Variants in MEGF10 observed in about 807,000 individuals in gnomAD.
MEGF10 encodes the protein multiple epidermal growth factor-like domains protein 10.
In MEGF10, 86 loss-of-function variants were observed where a neutral mutation model predicts 147.5. That is an observed-to-expected ratio of 0.58 (90% CI 0.49 to 0.70). The LOEUF (loss-of-function observed/expected upper bound fraction) is 0.70, where lower values mean the gene tolerates loss of function less well. Among genes scored for constraint, MEGF10 ranks in the 30% least tolerant of loss-of-function variants. MEGF10 has a pLI of 0.00. For synonymous variants in MEGF10, 478 were observed against 525.5 expected (o/e 0.91, Z 1.24); for missense variants, 1,329 against 1,487.3 (o/e 0.89, Z 1.75).
chr5:127,336,701 A>G (rs1476672646), intron 2 of MEGF10, among the ~76,000 whole-genome samples: 5 of 152,138 alleles, frequency 3.3e-5, no homozygotes, highest in African/African-American at 1.2e-4. Flanking sequence ...AATTTTCTGG[A>G]AACTCTGTAT....
chr5:127,363,280 A>G (rs1325916029), intron 4 of MEGF10, among the ~76,000 whole-genome samples: 1 of 152,236 alleles, frequency 6.6e-6, no homozygotes, highest in Non-Finnish European at 1.5e-5. Context: ...ACTGCAATAA[A>G]TAGAGATTTG....
intron 2 of MEGF10, among the ~76,000 whole-genome samples, chr5:127,333,049 AAAAG>A (rs367939991): frequency 2.5e-3 from 384 of 152,300 alleles, no homozygotes; most frequent in African/African-American, 8.8e-3. Flanking sequence ...ATGGAAAAAT[AAAAG>A]AAAGAGATTT....
At chr5:127,292,723 C>G (rs1759317039) in intron 1 of MEGF10, among the ~76,000 whole-genome samples, 1 of 152,232 alleles carries the variant, frequency 6.6e-6, no homozygotes. Context: ...AATCTACACT[C>G]AGTTCACAGC....
intron 11 of MEGF10, among the ~76,000 whole-genome samples, chr5:127,419,610 A>G (rs1450858716): frequency 6.6e-6 from 1 of 152,200 alleles, no homozygotes; most frequent in Non-Finnish European, 1.5e-5. Flanking sequence ...TGCAGCCAGG[A>G]TCCTGGATAT....
the MEGF10 span, among the ~76,000 whole-genome samples, chr5:127,274,173 A>G: frequency 0.4 from 60,637 of 151,944 alleles, 12,593 homozygotes; most frequent in Middle Eastern, 0.54. Context: ...CTGAGATCTT[A>G]TAAAAGTCAG....
At chr5:127,360,702 A>G (rs1224665225) in intron 4 of MEGF10, among the ~76,000 whole-genome samples, 3 of 151,916 alleles carry the variant, frequency 2.0e-5, no homozygotes, top group Non-Finnish European at 4.4e-5. Flanking sequence ...ACATTTTTCT[A>G]AATGCTTGCT....
rs771181729 is a variant in MEGF10, at chr5:127,460,756, A to T, written c.*3438A>T. 5 of 152,194 alleles carry T rather than the reference A, an allele frequency of 3.3e-5. No homozygotes were observed. Among genetic ancestry groups the T allele is most frequent in the Non-Finnish European group, 4.4e-5 (3 of 68,024 alleles). 9.4% of individuals were successfully genotyped at this position (152,194 alleles called of 1,614,324 possible). A position where few individuals can be genotyped will look rare whatever the true frequency, so the allele number is the denominator to read the frequency against. ...ATCAAGTTTTAAGGTTATATTTTTTAAAATAATGAATTTTCTATCTCTAGG... is the reference window on the plus strand; with the variant it reads ...ATCAAGTTTTAAGGTTATATTTTTTTAAATAATGAATTTTCTATCTCTAGG... On this transcript the variant is annotated 3_prime_UTR_variant, in exon 25 of 25. Coordinates refer to ENST00000503335, the MANE Select transcript of MEGF10 (RefSeq NM_001256545.2).
the MEGF10 span, among the ~76,000 whole-genome samples, chr5:127,233,814 G>A: frequency 8.6e-5 from 13 of 151,996 alleles, no homozygotes; most frequent in African/African-American, 2.7e-4. Context: ...CCTTCACTTC[G>A]TTTAATCAAG....
the MEGF10 span, among the ~76,000 whole-genome samples, chr5:127,256,712 T>G: frequency 1.3e-5 from 2 of 152,188 alleles, no homozygotes; most frequent in Non-Finnish European, 2.9e-5. Context: ...CATAGTAACT[T>G]ATATCACATG....
At chr5:127,271,896 G>T in the MEGF10 span, among the ~76,000 whole-genome samples, 1 of 152,036 alleles carries the variant, frequency 6.6e-6, no homozygotes, top group South Asian at 2.1e-4. Context: ...ACACTATTTC[G>T]AGTTTCTTTT....
chr5:127,255,636 A>C, the MEGF10 span, among the ~76,000 whole-genome samples: 1 of 152,216 alleles, frequency 6.6e-6, no homozygotes, highest in Non-Finnish European at 1.5e-5. Context: ...ATAGAGCTAA[A>C]GGGGAGGAGA....
At chr5:127,334,982 C>T (rs1166386409) in intron 2 of MEGF10, among the ~76,000 whole-genome samples, 1 of 152,162 alleles carries the variant, frequency 6.6e-6, no homozygotes, top group Non-Finnish European at 1.5e-5. Context: ...CATCTCCTCC[C>T]CCACTCCCTG....
chr5:127,287,252 A>G (rs1393760976), upstream of MEGF10, among the ~76,000 whole-genome samples: 1 of 152,022 alleles, frequency 6.6e-6, no homozygotes. Context: ...AAATTTTAGC[A>G]TTTGTATTCA....
chr5:127,385,335 G>C (rs919790244), intron 5 of MEGF10, among the ~76,000 whole-genome samples: 1 of 151,640 alleles, frequency 6.6e-6, no homozygotes, highest in African/African-American at 2.4e-5. Context: ...GTCTCACTCT[G>C]TTGCCTAGGC....
chr5:127,445,407 GT>G (rs769644232), intron 19 of MEGF10, 49 bp from the exon 20 acceptor site: 29 of 1,434,254 alleles, frequency 2.0e-5, no homozygotes, highest in Admixed American at 3.4e-5. Flanking sequence ...GAGATCAAAC[GT>G]TTATCCAGCA....
intron 4 of MEGF10, among the ~76,000 whole-genome samples, chr5:127,368,898 G>A (rs1762750126): frequency 6.6e-6 from 1 of 151,972 alleles, no homozygotes. Flanking sequence ...TTTTTGAGGA[G>A]AAAAATATGT....
the MEGF10 span, among the ~76,000 whole-genome samples, chr5:127,233,520 G>C: frequency 6.6e-6 from 1 of 152,182 alleles, no homozygotes; most frequent in Non-Finnish European, 1.5e-5. Flanking sequence ...TGGAATAGGA[G>C]ACGAAAACAC....
intron 3 of MEGF10, among the ~76,000 whole-genome samples, chr5:127,339,831 G>A (rs1761610461): frequency 6.6e-6 from 1 of 152,122 alleles, no homozygotes; most frequent in Admixed American, 6.6e-5. Context: ...CACACAAGCT[G>A]GCCTTGGCCA....
chr5:127,336,873 G>A (rs1761492232), intron 2 of MEGF10, among the ~76,000 whole-genome samples: 1 of 152,058 alleles, frequency 6.6e-6, no homozygotes, highest in Non-Finnish European at 1.5e-5. Flanking sequence ...GGTGATGTAG[G>A]ACTGTACCTG....
Sources: allele counts gnomAD v4.1 joint callset (sites outside exome capture counted in the v4.1 genomes callset), GRCh38; gene constraint gnomAD v4.1.1; transcripts MANE v1.5; gene names NCBI Gene and HGNC (gene_info 2026-07-23, HGNC 2026-07-21).